NDUFS4: variants seen among roughly 807,000 people sequenced by gnomAD.
NDUFS4 encodes NADH dehydrogenase [ubiquinone] iron-sulfur protein 4, mitochondrial.
NDUFS4 carries 28 observed loss-of-function variants against 24.3 expected under a neutral mutation model. That is an observed-to-expected ratio of 1.15 (90% CI 0.85 to 1.58). The LOEUF (loss-of-function observed/expected upper bound fraction) is 1.58, where lower values mean the gene tolerates loss of function less well. Among genes scored for constraint, NDUFS4 ranks in the 40% most tolerant of loss-of-function variants. NDUFS4 has a pLI of 0.00. For synonymous variants in NDUFS4, 93 were observed against 69.7 expected, an observed-to-expected ratio of 1.34 and a Z score of -1.67; for missense variants, 223 against 207.9, an observed-to-expected ratio of 1.07 and a Z score of -0.45.
intron 1 of NDUFS4, among the ~76,000 whole-genome samples, chr5:53,571,615 A>G (rs1013557804): frequency 3.3e-5 from 5 of 152,190 alleles, no homozygotes; most frequent in African/African-American, 1.2e-4. Context: ...CTGTTTTCCA[A>G]AGTGGCTGCA....
intron 1 of NDUFS4, among the ~76,000 whole-genome samples, chr5:53,573,182 C>T (rs1289435025): frequency 6.6e-6 from 1 of 151,720 alleles, no homozygotes; most frequent in Non-Finnish European, 1.5e-5. Flanking sequence ...CCTGTGTTGC[C>T]CAGGCTGGTC....
intron 4 of NDUFS4, among the ~76,000 whole-genome samples, chr5:53,676,661 A>G (rs1413881312): frequency 6.6e-6 from 1 of 152,224 alleles, no homozygotes; most frequent in African/African-American, 2.4e-5. Context: ...CACAAAAAGT[A>G]TGCTTGTTTA....
intron 2 of NDUFS4, among the ~76,000 whole-genome samples, chr5:53,614,105 C>T (rs1374211959): frequency 2.0e-5 from 3 of 151,580 alleles, no homozygotes; most frequent in African/African-American, 4.8e-5. Context: ...AACAGTTAAT[C>T]ATTTAAAATG....
intron 2 of NDUFS4, among the ~76,000 whole-genome samples, chr5:53,620,124 T>TA (rs113536744): frequency 0.01 from 1,443 of 143,338 alleles, 21 homozygotes; most frequent in African/African-American, 0.029. Flanking sequence ...TCAAAAAATG[T>TA]AAAAAAAAAA....
chr5:53,670,013 A>G (rs766615021), intron 4 of NDUFS4, among the ~76,000 whole-genome samples: 2 of 152,182 alleles, frequency 1.3e-5, no homozygotes, highest in Non-Finnish European at 2.9e-5. Context: ...TTTGTAAAAT[A>G]AAACTAATGA....
At chr5:53,633,927 G>C (rs1475641597) in intron 2 of NDUFS4, among the ~76,000 whole-genome samples, 1 of 152,086 alleles carries the variant, frequency 6.6e-6, no homozygotes, top group Non-Finnish European at 1.5e-5. Context: ...TTTTCTTGAT[G>C]GTTTATGGAA....
At chr5:53,641,272 CTTTT>C (rs1751699882) in intron 2 of NDUFS4, among the ~76,000 whole-genome samples, 1 of 152,080 alleles carries the variant, frequency 6.6e-6, no homozygotes, top group African/African-American at 2.4e-5. Flanking sequence ...CAGCCCTTTG[CTTTT>C]AGCCAAGGCT....
intron 4 of NDUFS4, among the ~76,000 whole-genome samples, chr5:53,672,615 T>C (rs1740314551): frequency 6.8e-6 from 1 of 148,050 alleles, no homozygotes; most frequent in Admixed American, 6.8e-5. Flanking sequence ...GTTTTTTTTT[T>C]CTATTCCTTC....
chr5:53,603,381 T>G, intron 1 of NDUFS4, 71 bp from the exon 2 acceptor site: 1 of 1,076,636 alleles, frequency 9.3e-7, no homozygotes, highest in Non-Finnish European at 1.4e-6. Context: ...AAGTAGCTTG[T>G]TTATGTAAGA....
chr5:53,587,564 A>G (rs1185039600), intron 1 of NDUFS4, among the ~76,000 whole-genome samples: 1 of 145,092 alleles, frequency 6.9e-6, no homozygotes, highest in Non-Finnish European at 1.5e-5. Context: ...ATATCATGGT[A>G]TTCCATCCCT....
intron 1 of NDUFS4, among the ~76,000 whole-genome samples, chr5:53,594,111 A>G (rs1287497408): frequency 1.3e-5 from 2 of 152,124 alleles, no homozygotes; most frequent in African/African-American, 4.8e-5. Context: ...TACTCTGTCT[A>G]CTGGCTCTGT....
intron 4 of NDUFS4, among the ~76,000 whole-genome samples, chr5:53,675,123 T>TA (rs1579945361): frequency 6.6e-6 from 1 of 151,528 alleles, no homozygotes; most frequent in East Asian, 1.9e-4. Context: ...CATAATCACT[T>TA]ACTTTTCTCT....
chr5:53,632,057 C>G, intron 2 of NDUFS4, among the ~76,000 whole-genome samples: 1 of 152,168 alleles, frequency 6.6e-6, no homozygotes, highest in Non-Finnish European at 1.5e-5. Flanking sequence ...CCAGCCAGTC[C>G]CAGTGAGATG....
At chr5:53,680,586 A>G (rs970662833) in intron 4 of NDUFS4, among the ~76,000 whole-genome samples, 2 of 152,154 alleles carry the variant, frequency 1.3e-5, no homozygotes, top group African/African-American at 2.4e-5. Context: ...TCAGTAAACT[A>G]TCGCAAGGAC....
chr5:53,593,300 T>C (rs932550760), intron 1 of NDUFS4, among the ~76,000 whole-genome samples: 7 of 152,070 alleles, frequency 4.6e-5, no homozygotes, highest in African/African-American at 1.4e-4. Flanking sequence ...ATTTAAGTTA[T>C]CAAATTTGTG....
intron 2 of NDUFS4, among the ~76,000 whole-genome samples, chr5:53,605,566 TG>T (rs1486794731): frequency 6.6e-6 from 1 of 152,160 alleles, no homozygotes; most frequent in Non-Finnish European, 1.5e-5. Context: ...TGAATTTTCT[TG>T]CCCTACCTAG....
chr5:53,659,973 A>T (rs1192603930), intron 4 of NDUFS4, among the ~76,000 whole-genome samples: 1 of 152,116 alleles, frequency 6.6e-6, no homozygotes, highest in Non-Finnish European at 1.5e-5. Flanking sequence ...ATATGATAGT[A>T]TATAAGTATA....
At chr5:53,624,256 G>A (rs1483674962) in intron 2 of NDUFS4, among the ~76,000 whole-genome samples, 1 of 152,086 alleles carries the variant, frequency 6.6e-6, no homozygotes, top group Non-Finnish European at 1.5e-5. Context: ...TTGTAGCTTT[G>A]TAGTAAGTTT....
At chr5:53,581,025 G>A (rs1749552879) in intron 1 of NDUFS4, among the ~76,000 whole-genome samples, 2 of 152,030 alleles carry the variant, frequency 1.3e-5, no homozygotes, top group South Asian at 2.1e-4. Context: ...TAGAGATGGG[G>A]TTTCTCCATG....
Sources: gnomAD v4.1 joint callset for allele counts (sites outside exome capture counted in the v4.1 genomes callset) on GRCh38, gnomAD v4.1.1 for gene constraint, MANE v1.5 for transcripts, NCBI Gene and HGNC (gene_info 2026-07-23, HGNC 2026-07-21) for gene names.